WNK3: variants seen among roughly 807,000 people sequenced by gnomAD.
The protein encoded by WNK3 is serine/threonine-protein kinase WNK3.
Under a neutral mutation model 116.7 loss-of-function variants are expected in WNK3, and 18 were observed. That is an observed-to-expected ratio of 0.15 (90% CI 0.11 to 0.23). The LOEUF is 0.23. Among genes scored for constraint, WNK3 ranks in the 10% least tolerant of loss-of-function variants. The pLI is 1.00. For missense variants in WNK3, 993 were observed against 1,323.8 expected, an observed-to-expected ratio of 0.75 and a Z score of 3.88; for synonymous variants, 404 against 469.4, an observed-to-expected ratio of 0.86 and a Z score of 1.80.
chrX:54,270,103 C>T (rs782362475), intron 10 of WNK3, among the ~76,000 whole-genome samples: 2 of 111,077 alleles, frequency 1.8e-5, no homozygotes, highest in African/African-American at 3.3e-5. Flanking sequence ...TTTTAAAAAG[C>T]TCCTTTTTTG....
intron 22 of WNK3, chrX:54,223,278 T>C (rs1338357094): frequency 1.8e-5 from 2 of 110,811 alleles, no homozygotes; most frequent in South Asian, 3.8e-4. Context: ...GAAAGCTGGA[T>C]TGGTTGTACT....
At chrX:54,253,419 C>T (rs1466134544) in intron 13 of WNK3, among the ~76,000 whole-genome samples, 3 of 110,382 alleles carry the variant, frequency 2.7e-5, no homozygotes, top group African/African-American at 9.9e-5. Context: ...GTGTGGCCAC[C>T]ACATCTGGCA....
chrX:54,301,685 T>G, intron 6 of WNK3, 86 bp downstream of exon 6: 3 of 795,479 alleles, frequency 3.8e-6, no homozygotes, highest in Non-Finnish European at 3.7e-6. Context: ...AAACTCAGCA[T>G]GACTGAAAGG....
intron 7 of WNK3, among the ~76,000 whole-genome samples, 199 bp downstream of exon 7, chrX:54,297,976 G>A (rs782713121): frequency 9.1e-6 from 1 of 110,441 alleles, no homozygotes; most frequent in East Asian, 2.9e-4. Context: ...AGGAGGCTGA[G>A]GCAGGAGATT....
At chrX:54,205,196 C>CA (rs1317498514) in intron 22 of WNK3, among the ~76,000 whole-genome samples, 3 of 109,389 alleles carry the variant, frequency 2.7e-5, no homozygotes, top group South Asian at 3.9e-4. Context: ...GCCTGGGAGA[C>CA]AGAGTGAGAT....
rs192695664 is a variant in WNK3, at chrX:54,340,415, G to C, written c.-119-6623C>G. Among the ~76,000 whole-genome samples, 12 of 110,321 alleles carry C rather than the reference G, an allele frequency of 1.1e-4. 1 individual carries two copies. The highest frequency in any genetic ancestry group is 3.9e-4 in the South Asian group (1 of 2,575). ...ATTTGAGATCAGGAGTTCAAGACCA[G>C]CCTGGCCAACATGGTGAAACCCCAT... On this transcript the variant is annotated intron_variant, in intron 1 of 23. Coordinates refer to ENST00000354646, the Ensembl canonical transcript of WNK3.
At chrX:54,223,908 T>G (rs2067798195) in intron 22 of WNK3, 1 of 137,249 alleles carries the variant, frequency 7.3e-6, no homozygotes, top group African/African-American at 3.2e-5. Flanking sequence ...CAGATTAACT[T>G]GGCAGACAAA....
chrX:54,254,004 C>T (rs2076828421), exon 13 of WNK3: 16 of 1,209,673 alleles, frequency 1.3e-5, no homozygotes, highest in Non-Finnish European at 1.8e-5. Context: ...CAACATCAAA[C>T]TTGAAGGTGA....
intron 22 of WNK3, among the ~76,000 whole-genome samples, chrX:54,204,602 AAGTC>A (rs1557142312): frequency 8.9e-6 from 1 of 112,370 alleles, no homozygotes; most frequent in African/African-American, 3.2e-5. Context: ...TGAGACACAA[AAGTC>A]AGTCTATAAT....
chrX:54,294,227 G>A (rs2068672071), intron 8 of WNK3, among the ~76,000 whole-genome samples: 1 of 111,385 alleles, frequency 9.0e-6, no homozygotes, highest in Admixed American at 9.6e-5. Context: ...ATGATAATAA[G>A]ATCATTTTAT....
intron 23 of WNK3, 36 bp downstream of exon 23, chrX:54,201,955 C>A (rs2067505026): frequency 8.5e-7 from 1 of 1,173,398 alleles, no homozygotes; most frequent in Admixed American, 2.2e-5. Flanking sequence ...GGTTTTAGTT[C>A]TTGTAAACAA....
At chrX:54,277,066 A>G (rs1376433027) in intron 10 of WNK3, among the ~76,000 whole-genome samples, 1 of 111,304 alleles carries the variant, frequency 9.0e-6, no homozygotes, top group East Asian at 2.8e-4. Flanking sequence ...ATAGAGGGTA[A>G]CTACCTCAAC....
intron 2 of WNK3, among the ~76,000 whole-genome samples, chrX:54,330,170 G>A (rs1335812655): frequency 9.0e-6 from 1 of 110,843 alleles, no homozygotes; most frequent in East Asian, 2.9e-4. Flanking sequence ...TCAGGAGTTC[G>A]AGACCAGCCT....
intron 10 of WNK3, among the ~76,000 whole-genome samples, chrX:54,260,672 T>C (rs782026374): frequency 8.3e-4 from 92 of 111,429 alleles, no homozygotes; most frequent in African/African-American, 2.8e-3. Context: ...TGCTGGGCCA[T>C]TTTTGCAGAT....
chrX:54,198,756 A>G, intron 23 of WNK3, 103 bp from the exon 24 acceptor site: 4 of 624,414 alleles, frequency 6.4e-6, no homozygotes, highest in Non-Finnish European at 9.2e-6. Flanking sequence ...CTGCTGCACA[A>G]ATGAATATTC....
chrX:54,284,045 G>C (rs1331071232), intron 10 of WNK3, among the ~76,000 whole-genome samples: 1 of 110,543 alleles, frequency 9.0e-6, no homozygotes, highest in African/African-American at 3.3e-5. Context: ...AAACTTTGAT[G>C]AATCAGACTT....
At chrX:54,206,343 T>C (rs1280544643) in intron 22 of WNK3, among the ~76,000 whole-genome samples, 1 of 111,158 alleles carries the variant, frequency 9.0e-6, no homozygotes, top group African/African-American at 3.3e-5. Flanking sequence ...TGAACTATGA[T>C]CACGCTACTG....
chrX:54,298,515 A>G, intron 6 of WNK3, 121 bp from the exon 7 acceptor site: 2 of 525,222 alleles, frequency 3.8e-6, no homozygotes, highest in Non-Finnish European at 5.9e-6. Context: ...CAATTTAATC[A>G]TTAATCTGCC....
intron 1 of WNK3, among the ~76,000 whole-genome samples, chrX:54,346,635 GCC>G (rs1260723322): frequency 1.9e-5 from 2 of 104,230 alleles, no homozygotes; most frequent in Non-Finnish European, 3.9e-5. Context: ...AAGAACACAT[GCC>G]CTGGAGTGGG....
Sources: allele counts gnomAD v4.1 joint callset (sites outside exome capture counted in the v4.1 genomes callset), GRCh38; gene constraint gnomAD v4.1.1; transcripts MANE v1.5; gene names NCBI Gene and HGNC (gene_info 2026-07-23, HGNC 2026-07-21).